Variants in CPA4 observed in about 807,000 individuals in gnomAD.
The protein encoded by CPA4 is carboxypeptidase A4, also known as carboxypeptidase A3.
A neutral mutation model predicts 54.7 loss-of-function variants in CPA4; 49 were observed. That is an observed-to-expected ratio of 0.90 (90% CI 0.71 to 1.14). The LOEUF is 1.14. Among genes scored for constraint, CPA4 ranks in the 50% most tolerant of loss-of-function variants. The probability of loss-of-function intolerance (pLI) is 0.00; values close to 1 mark genes in which losing one functional copy is unlikely to be tolerated. For missense variants in CPA4, 487 were observed against 525.1 expected (o/e 0.93, Z 0.71); for synonymous variants, 215 against 206.8 (o/e 1.04, Z -0.34).
chr7:130,318,830 G>A (rs1444444825), intron 10 of CPA4, among the ~76,000 whole-genome samples: 2 of 152,130 alleles, frequency 1.3e-5, no homozygotes, highest in Non-Finnish European at 2.9e-5. Flanking sequence ...CAACGCCATA[G>A]GTTATGGTGT....
rs149378831 is a variant in CPA4, at chr7:130,294,474, C to T, written c.68+1226C>T. Among the ~76,000 whole-genome samples, 626 of 152,282 alleles carry T rather than the reference C, an allele frequency of 4.1e-3. 4 individuals carry two copies. Among genetic ancestry groups the T allele is most frequent in the African/African-American group, 0.014 (574 of 41,550 alleles). On this transcript the variant is annotated intron_variant, in intron 1 of 10. Transcript: ENST00000222482. ...TGGCCAGGGAAGATTTTCCCACAGG[C>T]GGCTCAGCAGTAGGTGTGTAGTGAC...
At chr7:130,307,585 T>C (rs962899763) in intron 7 of CPA4, among the ~76,000 whole-genome samples, 52 of 141,624 alleles carry the variant, frequency 3.7e-4, no homozygotes, top group Non-Finnish European at 7.5e-4. Flanking sequence ...TGAGCCGAGA[T>C]GGCGCCACTG....
chr7:130,318,716 G>A (rs1794031137), intron 10 of CPA4, among the ~76,000 whole-genome samples: 1 of 151,988 alleles, frequency 6.6e-6, no homozygotes, highest in Non-Finnish European at 1.5e-5. Context: ...CGGCCAAAAT[G>A]TCCACCTTTT....
chr7:130,322,487 A>G lies in CPA4; in HGVS notation c.1079-2A>G. The G allele has an allele frequency of 6.2e-7, 1 of 1,612,250 alleles. No individual in the cohort carries two copies. ...AAGAGTGTTTTGTCCTCCGACTTAC[A>G]GATCCAGCTAGCGGGAGCAGCATCG... On this transcript the variant is annotated splice_acceptor_variant, in intron 10 of 10. Transcript: ENST00000222482. LOFTEE classifies it high-confidence loss of function.
At chr7:130,320,554 TC>T (rs1256236834) in intron 10 of CPA4, among the ~76,000 whole-genome samples, 1 of 152,242 alleles carries the variant, frequency 6.6e-6, no homozygotes, top group East Asian at 1.9e-4. Context: ...CAAATGCTAT[TC>T]AGGAATCACA....
At chr7:130,296,641 T>C (rs910929031) in intron 1 of CPA4, among the ~76,000 whole-genome samples, 2 of 148,274 alleles carry the variant, frequency 1.3e-5, no homozygotes, top group Admixed American at 6.8e-5. Context: ...TGCTAATAAA[T>C]ATGTCACCAC....
Position 130,312,091 on chromosome 7 carries a change from G to A in CPA4, c.1047G>A (p.Glu349=). 2 of 1,614,068 alleles carry A rather than the reference G, an allele frequency of 1.2e-6. No homozygotes were observed. The highest frequency in any genetic ancestry group is 1.7e-6 in the Non-Finnish European group (2 of 1,179,922). Residue 349 remains glutamate, a synonymous_variant, in exon 10 of 11, where the codon GAG becomes GAA. Coordinates refer to ENST00000222482, the MANE Select transcript of CPA4 (RefSeq NM_016352.4). ...AKALASVSGT[E]YQVGPTCTTV... is the part of the protein sequence containing the mutation. ...CTCTGGCTTCTGTGTCGGGCACTGA[G>A]TACCAAGTGGGTCCCACCTGCACCA...
chr7:130,311,698 T>G (rs1051240837), intron 9 of CPA4, among the ~76,000 whole-genome samples: 14 of 152,060 alleles, frequency 9.2e-5, no homozygotes, highest in Non-Finnish European at 1.6e-4. Flanking sequence ...GTGAAGACGG[T>G]GGTGCCTTTA....
intron 4 of CPA4, 128 bp downstream of exon 4, chr7:130,301,042 A>C: frequency 1.6e-6 from 1 of 638,250 alleles, no homozygotes; most frequent in Non-Finnish European, 2.9e-6. Context: ...AAATGTGTAC[A>C]CTTCAATTCC....
chr7:130,306,013 G>A, intron 6 of CPA4, 93 bp downstream of exon 6: 1 of 1,026,314 alleles, frequency 9.7e-7, no homozygotes, highest in Non-Finnish European at 1.5e-6. Context: ...GAGGTGGGAG[G>A]GTTCTCTACT....
chr7:130,310,117 C>T lies in CPA4; in HGVS notation c.794-670C>T, dbSNP rs146302128. 6.6e-6 allele frequency among the ~76,000 whole-genome samples: 1 copy of T among 152,104 alleles called. No individual in the cohort carries two copies. Among genetic ancestry groups the T allele is most frequent in the African/African-American group, 2.4e-5 (1 of 41,414 alleles). On this transcript the variant is annotated intron_variant, in intron 8 of 10. Transcript: ENST00000222482. This position sits in a 1 kb window ranked among gnomAD's most constrained non-coding sequence, Gnocchi z 4.3. ...CTTTTACTTGTATAGAAATACCACA[C>T]AAACCATTGGGGGAAAATAATGACT...
intron 8 of CPA4, among the ~76,000 whole-genome samples, chr7:130,308,723 A>ATTTTTTTGTTTTTTTTT (rs199996063): frequency 4.0e-4 from 58 of 145,246 alleles, no homozygotes; most frequent in African/African-American, 1.5e-3. Flanking sequence ...ACGCCCGGCT[A>ATTTTTTTGTTTTTTTTT]TTTTTTTTCA....
chr7:130,295,840 G>A (rs779637450), intron 1 of CPA4, among the ~76,000 whole-genome samples: 24 of 152,190 alleles, frequency 1.6e-4, no homozygotes, highest in African/African-American at 4.6e-4. Context: ...TTAGCTGGGC[G>A]TGGAGGTGCA....
chr7:130,322,855 G>C lies in CPA4; in HGVS notation c.*179G>C. ...GTGTGTCCTGGCAGTGTCCCTGCAA[G>C]AACTGGTTCTGCCAGCCTGCTCAAT... On this transcript the variant is annotated 3_prime_UTR_variant, in exon 11 of 11. Transcript: ENST00000222482. 1.9e-6 allele frequency: 1 copy of C among 528,738 alleles called. No homozygotes were observed. The highest frequency in any genetic ancestry group is 3.1e-5 in the East Asian group (1 of 31,978). 32.8% of individuals were successfully genotyped at this position (528,738 alleles called of 1,614,324 possible).
intron 1 of CPA4, among the ~76,000 whole-genome samples, chr7:130,294,727 T>C (rs770999475): frequency 2.6e-5 from 4 of 152,252 alleles, no homozygotes; most frequent in Non-Finnish European, 5.9e-5. Context: ...GATAGTGTCA[T>C]TCTCATCCCC....
chr7:130,296,566 C>T (rs1793651647), intron 1 of CPA4, among the ~76,000 whole-genome samples: 1 of 151,902 alleles, frequency 6.6e-6, no homozygotes, highest in Middle Eastern at 3.4e-3. Context: ...CCTCCTGTCC[C>T]TTCTTTCTCC....
At chr7:130,306,646 G>T in intron 6 of CPA4, 141 bp from the exon 7 acceptor site, 4 of 604,160 alleles carry the variant, frequency 6.6e-6, no homozygotes, top group South Asian at 4.0e-5. Context: ...TCTGAGGGTG[G>T]CAGGGAGGCT....
chr7:130,319,462 T>C (rs1441963874), intron 10 of CPA4, among the ~76,000 whole-genome samples: 1 of 152,198 alleles, frequency 6.6e-6, no homozygotes, highest in African/African-American at 2.4e-5. Context: ...AAACTTCCCC[T>C]TTGCCTTCTG....
Position 130,308,353 on chromosome 7 carries a change from G to T in CPA4, c.749G>T (p.Cys250Phe). ...CGGTCCCGAAATCCTGGAAGCTCCT[G>T]CATTGGTGCTGACCCAAATAGAAAC... ...KTRSRNPGSSCIGADPNRNWN... is the reference protein window; with the variant it reads ...KTRSRNPGSSFIGADPNRNWN... The change falls in exon 8 of 11, where the codon TGC becomes TTC. Residue 250 changes from cysteine (C) to phenylalanine (F), a missense_variant. By Grantham distance (205) the Cys-to-Phe change is radical. Transcript: ENST00000222482. 1 of 1,614,192 alleles carries T rather than the reference G, an allele frequency of 6.2e-7. No individual in the cohort carries two copies. Among genetic ancestry groups the T allele is most frequent in the South Asian group, 1.1e-5 (1 of 91,084 alleles).
Sources: gnomAD v4.1 joint callset for allele counts (sites outside exome capture counted in the v4.1 genomes callset) on GRCh38, gnomAD v4.1.1 for gene constraint, Gnocchi (gnomAD v3.1) non-coding constraint, MANE v1.5 for transcripts, NCBI Gene and HGNC (gene_info 2026-07-23, HGNC 2026-07-21) for gene names.